The following FRMD4A variants were observed in gnomAD, a reference collection of about 807,000 sequenced individuals.
FRMD4A encodes FERM domain containing 4A.
In FRMD4A, 29 loss-of-function variants were observed where a neutral mutation model predicts 129.1. The ratio of observed to expected loss-of-function variants is 0.22; its 90% CI spans 0.17 to 0.31. The LOEUF is 0.31. FRMD4A is among the 10% of genes least tolerant of loss of function. The pLI, the probability that FRMD4A is intolerant of heterozygous loss-of-function variation, is 1.00. For missense variants in FRMD4A, 1,272 were observed against 1,375.8 expected (o/e 0.92, Z 1.19); for synonymous variants, 634 against 571.6 (o/e 1.11, Z -1.56).
At chr10:13,717,267 C>A (rs2088899483) in intron 12 of FRMD4A, among the ~76,000 whole-genome samples, 1 of 152,172 alleles carries the variant, frequency 6.6e-6, no homozygotes, top group African/African-American at 2.4e-5. Context: ...ATTTCACCTG[C>A]TTTGGCCAAG....
At chr10:13,750,109 G>GAAAGAAAGAAAGAAAGAAAGAAAGA (rs59377985) in intron 8 of FRMD4A, among the ~76,000 whole-genome samples, 1 of 73,570 alleles carries the variant, frequency 1.4e-5, no homozygotes, top group Non-Finnish European at 2.6e-5. Flanking sequence ...AGAAAGAAAT[G>GAAAGAAAGAAAGAAAGAAAGAAAGA]AAGAAAGAAA....
chr10:13,880,920 C>T (rs912553051), intron 2 of FRMD4A, among the ~76,000 whole-genome samples: 1 of 152,056 alleles, frequency 6.6e-6, no homozygotes, highest in African/African-American at 2.4e-5. Flanking sequence ...TCTGCCCCTT[C>T]CTCTTCGAAT....
At chr10:14,053,618 A>C (rs925118961) in intron 2 of FRMD4A, among the ~76,000 whole-genome samples, 1 of 152,068 alleles carries the variant, frequency 6.6e-6, no homozygotes, top group African/African-American at 2.4e-5. Context: ...ACGTGGTTTT[A>C]GTTATTAATT....
intron 2 of FRMD4A, among the ~76,000 whole-genome samples, chr10:14,179,557 C>T (rs1460625968): frequency 6.6e-6 from 1 of 152,118 alleles, no homozygotes; most frequent in Non-Finnish European, 1.5e-5. Context: ...CCGAACCTAG[C>T]ACAGAGAAAA....
intron 6 of FRMD4A, among the ~76,000 whole-genome samples, chr10:13,767,376 T>C (rs1176485211): frequency 6.6e-6 from 1 of 152,106 alleles, no homozygotes; most frequent in Admixed American, 6.5e-5. Flanking sequence ...ATAGCTAGGA[T>C]TACAGGTGTG....
chr10:14,093,816 A>G (rs1161196309), intron 2 of FRMD4A, among the ~76,000 whole-genome samples: 1 of 152,240 alleles, frequency 6.6e-6, no homozygotes, highest in Non-Finnish European at 1.5e-5. Context: ...TTTACGACCC[A>G]CAATTAGATA....
At chr10:13,786,188 A>G (rs1392251575) in intron 5 of FRMD4A, among the ~76,000 whole-genome samples, 2 of 152,196 alleles carry the variant, frequency 1.3e-5, no homozygotes, top group Admixed American at 6.5e-5. Context: ...ATCCTTGAGG[A>G]ATCGCCACAC....
chr10:14,076,695 G>A (rs1186520970), intron 2 of FRMD4A, among the ~76,000 whole-genome samples: 1 of 152,150 alleles, frequency 6.6e-6, no homozygotes, highest in Non-Finnish European at 1.5e-5. Flanking sequence ...TTTGGGGTGG[G>A]GGAAAGGGTC....
chr10:13,915,793 TG>T (rs2094996031), intron 2 of FRMD4A, among the ~76,000 whole-genome samples: 1 of 150,460 alleles, frequency 6.6e-6, no homozygotes, highest in Admixed American at 6.6e-5. Flanking sequence ...CTCCCTGGAG[TG>T]TTCCTGCAGA....
chr10:13,667,396 C>G (rs1196967691), intron 17 of FRMD4A: 1 of 137,394 alleles, frequency 7.3e-6, no homozygotes, highest in African/African-American at 2.7e-5. Flanking sequence ...TACTGTAGCT[C>G]CCTCCCACCT....
At chr10:14,114,846 T>G (rs1838114187) in intron 2 of FRMD4A, among the ~76,000 whole-genome samples, 1 of 152,202 alleles carries the variant, frequency 6.6e-6, no homozygotes, top group Admixed American at 6.5e-5. Flanking sequence ...CCATTTAAGC[T>G]ACTGGGATTA....
chr10:13,660,637 C>A (rs992883168), intron 19 of FRMD4A, 84 bp from the exon 20 acceptor site: 3 of 798,790 alleles, frequency 3.8e-6, no homozygotes, highest in Non-Finnish European at 4.2e-6. Flanking sequence ...CCTCCACCCG[C>A]ACCTTGGAGC....
chr10:13,722,431 G>A (rs2089508574), intron 12 of FRMD4A, among the ~76,000 whole-genome samples: 2 of 148,956 alleles, frequency 1.3e-5, no homozygotes. Context: ...TTTTTGTAGA[G>A]TCGAGGGTCT....
intron 6 of FRMD4A, among the ~76,000 whole-genome samples, chr10:13,764,597 T>TCTTAATAAA (rs1387533813): frequency 6.6e-6 from 1 of 152,108 alleles, no homozygotes; most frequent in South Asian, 2.1e-4. Flanking sequence ...AACTTCTAAG[T>TCTTAATAAA]CTTCTAAGTG....
chr10:13,769,211 G>T (rs1437764109), intron 6 of FRMD4A, among the ~76,000 whole-genome samples: 11 of 50,798 alleles, frequency 2.2e-4, no homozygotes, highest in African/African-American at 1.1e-3. Flanking sequence ...GAGATGGGTT[G>T]TGTGTGTGTG....
intron 2 of FRMD4A, among the ~76,000 whole-genome samples, chr10:13,875,352 G>C (rs879559253): frequency 1.1e-4 from 16 of 152,164 alleles, no homozygotes; most frequent in Admixed American, 4.6e-4. Context: ...CAAGCACTTG[G>C]AAAACTGCAA....
chr10:13,937,577 G>C (rs10906546), intron 2 of FRMD4A, among the ~76,000 whole-genome samples: 3 of 152,092 alleles, frequency 2.0e-5, no homozygotes, highest in Non-Finnish European at 4.4e-5. Context: ...CTCAGGCTGC[G>C]TTTTGGTTAA....
intron 2 of FRMD4A, among the ~76,000 whole-genome samples, chr10:14,171,113 A>C (rs1225078904): frequency 6.6e-6 from 1 of 152,124 alleles, no homozygotes; most frequent in East Asian, 1.9e-4. Flanking sequence ...AGGATTAAAA[A>C]TCTAACTAAA....
At chr10:14,112,683 A>C (rs1005655437) in intron 2 of FRMD4A, among the ~76,000 whole-genome samples, 9 of 151,994 alleles carry the variant, frequency 5.9e-5, no homozygotes, top group African/African-American at 2.2e-4. Context: ...CTGCCACCAC[A>C]TCTGGCTAAT....
Sources: gnomAD v4.1 joint callset for allele counts (sites outside exome capture counted in the v4.1 genomes callset) on GRCh38, gnomAD v4.1.1 for gene constraint, MANE v1.5 for transcripts, NCBI Gene and HGNC (gene_info 2026-07-23, HGNC 2026-07-21) for gene names.